Variants in APP observed in about 807,000 individuals in gnomAD.
APP encodes amyloid-beta precursor protein.
A neutral mutation model predicts 101.4 loss-of-function variants in APP; 31 were observed. The ratio of observed to expected loss-of-function variants is 0.31; its 90% CI spans 0.23 to 0.41. The LOEUF is 0.41. Ranked by LOEUF, APP falls within the 10% of genes least tolerant of loss-of-function variation. The pLI is 1.00. For synonymous variants in APP, 366 were observed against 364.4 expected, an observed-to-expected ratio of 1.00 and a Z score of -0.05; for missense variants, 839 against 1,003.7, an observed-to-expected ratio of 0.84 and a Z score of 2.22.
In APP at chr21:26,031,418, C is replaced by A. The variant is rs181949768; in HGVS notation, c.663-9376G>T. 4.0e-3 allele frequency among the ~76,000 whole-genome samples: 602 copies of A among 152,244 alleles called. 1 individual carries two copies. The highest frequency in any genetic ancestry group is 0.015 in the South Asian group (73 of 4,826). ...AATTGGTTCTGTTAAGGAAGTGTATCAGTCTGTTTTCATGCTGCTGATAAA... is the reference window on the plus strand; with the variant it reads ...AATTGGTTCTGTTAAGGAAGTGTATAAGTCTGTTTTCATGCTGCTGATAAA... On this transcript the variant is annotated intron_variant, in intron 5 of 17. Transcript: ENST00000346798.
chr21:26,089,762 A>T (rs1394670504), intron 3 of APP, 181 bp downstream of exon 3: 2 of 815,458 alleles, frequency 2.5e-6, no homozygotes, highest in South Asian at 4.0e-5. Flanking sequence ...GAACTCAAAA[A>T]TACTGCTCCT....
At chr21:26,019,909 C>G (rs7280009) in intron 6 of APP, among the ~76,000 whole-genome samples, 152,374 of 152,374 alleles carry the variant, frequency 1, 76,187 homozygotes, top group Non-Finnish European at 1. Flanking sequence ...AAGCATGTCT[C>G]AGTATTTGAA....
chr21:26,052,113 A>T (rs181148789), intron 4 of APP, among the ~76,000 whole-genome samples: 11 of 152,354 alleles, frequency 7.2e-5, no homozygotes, highest in Admixed American at 5.2e-4. Flanking sequence ...AGAGGCATAA[A>T]ATAATACTAA....
intron 1 of APP, among the ~76,000 whole-genome samples, chr21:26,156,060 T>A (rs565615543): frequency 1.3e-5 from 2 of 151,786 alleles, no homozygotes. Flanking sequence ...ATCCTAATTA[T>A]CAACTGTAGG....
chr21:26,011,484 G>C (rs1050295706), intron 6 of APP, among the ~76,000 whole-genome samples: 2 of 152,092 alleles, frequency 1.3e-5, no homozygotes, highest in African/African-American at 4.8e-5. Context: ...GGACATTTTT[G>C]ATTGTCATCA....
chr21:26,142,387 T>A (rs2063065951), intron 1 of APP, among the ~76,000 whole-genome samples: 1 of 152,164 alleles, frequency 6.6e-6, no homozygotes, highest in African/African-American at 2.4e-5. Flanking sequence ...AGATGGTGCA[T>A]CCTGTGCTTA....
intron 5 of APP, among the ~76,000 whole-genome samples, chr21:26,040,036 T>G (rs1024193028): frequency 2.6e-5 from 4 of 152,156 alleles, no homozygotes; most frequent in African/African-American, 9.7e-5. Flanking sequence ...ATAAGATATG[T>G]TGGAGATGGG....
chr21:26,010,930 G>A (rs1290025949), intron 6 of APP, among the ~76,000 whole-genome samples: 1 of 151,968 alleles, frequency 6.6e-6, no homozygotes, highest in African/African-American at 2.4e-5. Context: ...GGAGACAGAG[G>A]CAGGTGAATC....
chr21:25,975,924 T>TG, intron 10 of APP, 30 bp downstream of exon 10: 1 of 1,572,068 alleles, frequency 6.4e-7, no homozygotes, highest in South Asian at 1.1e-5. Flanking sequence ...TGGCATGTGA[T>TG]GTTTGGTAGG....
At chr21:25,930,743 T>C (rs991837323) in intron 13 of APP, among the ~76,000 whole-genome samples, 2 of 152,224 alleles carry the variant, frequency 1.3e-5, no homozygotes, top group Non-Finnish European at 1.5e-5. Context: ...CACAGTGGCC[T>C]ACTCGTGTTT....
At chr21:25,952,555 T>G (rs2041135815) in intron 13 of APP, among the ~76,000 whole-genome samples, 1 of 152,194 alleles carries the variant, frequency 6.6e-6, no homozygotes, top group Non-Finnish European at 1.5e-5. Context: ...GCTAATGTTT[T>G]CAGTAGTATA....
At chr21:25,887,198 C>T (rs1408706393) in intron 17 of APP, among the ~76,000 whole-genome samples, 1 of 152,044 alleles carries the variant, frequency 6.6e-6, no homozygotes, top group Non-Finnish European at 1.5e-5. Context: ...TTTAAATATC[C>T]AGTGTCTATG....
rs1390658579 is a variant in APP at position 25,954,487 on chromosome 21, T to C, written c.1687+103A>G. The C allele has an allele frequency of 6.5e-5, 67 of 1,029,612 alleles. No individual in the cohort carries two copies. The East Asian group carries it at 1.7e-3, about 26-fold the overall frequency. 63.8% of individuals were successfully genotyped at this position (1,029,612 alleles called of 1,614,324 possible). A position where few individuals can be genotyped will look rare whatever the true frequency, so the allele number is the denominator to read the frequency against. On this transcript the variant is annotated intron_variant, in intron 13 of 17. Coordinates refer to ENST00000346798, the MANE Select transcript of APP (RefSeq NM_000484.4). Reference sequence around the variant, plus strand: ...AGTTTCATCGTAAAAGGCAAGCTGTTCTATTAACTTCCATATTCCTCAAAC... The same window carrying C: ...AGTTTCATCGTAAAAGGCAAGCTGTCCTATTAACTTCCATATTCCTCAAAC...
At chr21:26,108,294 C>T (rs1450560807) in intron 2 of APP, among the ~76,000 whole-genome samples, 1 of 152,200 alleles carries the variant, frequency 6.6e-6, no homozygotes, top group African/African-American at 2.4e-5. Flanking sequence ...CAAAACATAA[C>T]TATTTCAATG....
chr21:26,016,930 TG>T (rs1277657878), intron 6 of APP, among the ~76,000 whole-genome samples: 3,387 of 23,520 alleles, frequency 0.14, 465 homozygotes, highest in African/African-American at 0.3. Context: ...CAGCACTTTG[TG>T]GGGGGCGGGG....
At chr21:26,145,210 C>T (rs2146322481) in intron 1 of APP, among the ~76,000 whole-genome samples, 1 of 152,264 alleles carries the variant, frequency 6.6e-6, no homozygotes, top group East Asian at 1.9e-4. Flanking sequence ...CAAGATGTGC[C>T]AAGAGGGAGC....
intron 1 of APP, among the ~76,000 whole-genome samples, chr21:26,134,050 C>T (rs2062847713): frequency 6.6e-6 from 1 of 152,176 alleles, no homozygotes; most frequent in Non-Finnish European, 1.5e-5. Context: ...TAAAGTACAG[C>T]ATTTGGAGGA....
chr21:26,017,987 C>T (rs886135362), intron 6 of APP, among the ~76,000 whole-genome samples: 2 of 152,138 alleles, frequency 1.3e-5, no homozygotes, highest in African/African-American at 4.8e-5. Context: ...CTCTGTTGCC[C>T]AGGCTGGAGT....
rs796261251 is a variant in APP, at chr21:25,901,120, A to G, written c.1964-3447T>C. Among the ~76,000 whole-genome samples, 9 of 152,240 alleles carry G rather than the reference A, an allele frequency of 5.9e-5. 1 individual carries two copies. Among genetic ancestry groups the G allele is most frequent in the African/African-American group, 2.2e-4 (9 of 41,546 alleles). On this transcript the variant is annotated intron_variant, in intron 15 of 17. Coordinates refer to ENST00000346798, the MANE Select transcript of APP (RefSeq NM_000484.4). ...CGAGACCAGCCTAGCCAATATGGCA[A>G]AACTCTGTCTCTACTAAAAATACAA...
Sources: allele counts gnomAD v4.1 joint callset (sites outside exome capture counted in the v4.1 genomes callset), GRCh38; gene constraint gnomAD v4.1.1; transcripts MANE v1.5; gene names NCBI Gene and HGNC (gene_info 2026-07-23, HGNC 2026-07-21).